Variants in MAGI2 observed in about 807,000 individuals in gnomAD.
MAGI2 encodes membrane-associated guanylate kinase, WW and PDZ domain-containing protein 2.
MAGI2 carries 35 observed loss-of-function variants against 133.3 expected under a neutral mutation model. The ratio of observed to expected loss-of-function variants is 0.26; its 90% CI spans 0.20 to 0.35. MAGI2 has a LOEUF of 0.35. MAGI2 is among the 10% of genes least tolerant of loss of function. The pLI, the probability that MAGI2 is intolerant of heterozygous loss-of-function variation, is 1.00. For missense variants in MAGI2, 1,636 were observed against 1,863.4 expected (o/e 0.88, Z 2.25); for synonymous variants, 729 against 710.6 (o/e 1.03, Z -0.41).
intron 10 of MAGI2, among the ~76,000 whole-genome samples, chr7:78,243,462 CTG>C (rs1791410223): frequency 6.6e-6 from 1 of 152,118 alleles, no homozygotes; most frequent in African/African-American, 2.4e-5. Context: ...AATGTTTTAT[CTG>C]TGCAGTTTAA....
intron 1 of MAGI2, among the ~76,000 whole-genome samples, chr7:79,391,014 T>G (rs1261210770): frequency 2.0e-5 from 3 of 152,130 alleles, no homozygotes; most frequent in Admixed American, 1.3e-4. Flanking sequence ...GAGGAAAGCG[T>G]GGAACTCAAT....
chr7:78,564,817 G>A (rs13240055), intron 3 of MAGI2, among the ~76,000 whole-genome samples: 15,234 of 83,680 alleles, frequency 0.18, 1,327 homozygotes, highest in African/African-American at 0.27. Flanking sequence ...TTTTTGAGAC[G>A]GAGTCTTGCT....
chr7:78,850,352 T>C (rs981565491), intron 2 of MAGI2, among the ~76,000 whole-genome samples: 10 of 152,060 alleles, frequency 6.6e-5, no homozygotes, highest in African/African-American at 1.2e-4. Context: ...AAGGAGAGTA[T>C]AACATCCTGA....
intron 9 of MAGI2, among the ~76,000 whole-genome samples, chr7:78,308,076 T>C (rs1411386873): frequency 6.6e-6 from 1 of 152,212 alleles, no homozygotes; most frequent in Non-Finnish European, 1.5e-5. Flanking sequence ...CTTTAAATAA[T>C]GGGCAATGAA....
intron 2 of MAGI2, among the ~76,000 whole-genome samples, chr7:78,738,410 G>GTTATTTATGTTAT (rs1822075657): frequency 6.6e-6 from 1 of 151,798 alleles, no homozygotes; most frequent in South Asian, 2.1e-4. Context: ...TCTAATTTAG[G>GTTATTTATGTTAT]GTAATTTATG....
intron 2 of MAGI2, among the ~76,000 whole-genome samples, chr7:78,665,066 T>C (rs1283862338): frequency 6.6e-6 from 1 of 152,138 alleles, no homozygotes; most frequent in African/African-American, 2.4e-5. Flanking sequence ...ATTTGGTTCC[T>C]GGTATACATA....
At chr7:78,533,740 A>G (rs1166405073) in intron 3 of MAGI2, among the ~76,000 whole-genome samples, 1 of 152,234 alleles carries the variant, frequency 6.6e-6, no homozygotes. Flanking sequence ...CAAAATGGTA[A>G]TATCTTCCAT....
At chr7:78,644,440 G>A (rs1314699018) in intron 2 of MAGI2, among the ~76,000 whole-genome samples, 1 of 151,908 alleles carries the variant, frequency 6.6e-6, no homozygotes, top group African/African-American at 2.4e-5. Context: ...CTTTATACAA[G>A]ACACATCATA....
intron 1 of MAGI2, among the ~76,000 whole-genome samples, chr7:79,106,087 T>A (rs1818427418): frequency 6.6e-6 from 1 of 152,178 alleles, no homozygotes; most frequent in African/African-American, 2.4e-5. Context: ...GAGTCTAATA[T>A]AGCATGAATC....
chr7:78,283,837 AC>A (rs1795871857), intron 9 of MAGI2, among the ~76,000 whole-genome samples: 1 of 152,038 alleles, frequency 6.6e-6, no homozygotes. Flanking sequence ...AACCCAAAAG[AC>A]CCCATTAAAA....
chr7:78,640,322 G>A (rs1199377939), intron 2 of MAGI2, among the ~76,000 whole-genome samples: 1 of 151,810 alleles, frequency 6.6e-6, no homozygotes, highest in Non-Finnish European at 1.5e-5. Flanking sequence ...AAAACAAAAA[G>A]CACTTGGCTC....
chr7:79,364,950 G>C (rs1332084803), intron 1 of MAGI2, among the ~76,000 whole-genome samples: 3 of 150,190 alleles, frequency 2.0e-5, no homozygotes, highest in African/African-American at 7.4e-5. Context: ...CATGTGAAAA[G>C]AATGAAAAGG....
chr7:78,734,756 G>T (rs1821687801), intron 2 of MAGI2, among the ~76,000 whole-genome samples: 1 of 152,124 alleles, frequency 6.6e-6, no homozygotes, highest in African/African-American at 2.4e-5. Context: ...AAAAACACGT[G>T]GGGGCAGATC....
intron 6 of MAGI2, among the ~76,000 whole-genome samples, chr7:78,420,000 A>C (rs1209431488): frequency 6.6e-6 from 1 of 152,164 alleles, no homozygotes; most frequent in East Asian, 1.9e-4. Flanking sequence ...ATGCCAGAGG[A>C]CATTGGGGTA....
chr7:78,157,524 TAC>T (rs3840595), intron 16 of MAGI2, among the ~76,000 whole-genome samples: 11 of 151,182 alleles, frequency 7.3e-5, no homozygotes, highest in South Asian at 2.1e-4. Context: ...TACACATACA[TAC>T]ACACACACAC....
At chr7:79,391,526 T>TATATATATATATATATATATAGAC (rs1844633945) in intron 1 of MAGI2, among the ~76,000 whole-genome samples, 1 of 107,546 alleles carries the variant, frequency 9.3e-6, no homozygotes, top group Non-Finnish European at 1.7e-5. Flanking sequence ...TATATATATA[T>TATATATATATATATATATATAGAC]ATATATATAT....
At chr7:78,130,185 C>A (rs1484957913) in intron 18 of MAGI2, among the ~76,000 whole-genome samples, 1 of 152,130 alleles carries the variant, frequency 6.6e-6, no homozygotes. Context: ...CTTATCTTCA[C>A]ATTAAACATA....
intron 1 of MAGI2, among the ~76,000 whole-genome samples, chr7:79,071,804 C>T (rs968530746): frequency 1.2e-4 from 18 of 151,984 alleles, no homozygotes; most frequent in Non-Finnish European, 1.9e-4. Context: ...TGGCAGACAC[C>T]CCTCCCCACC....
At chr7:78,159,896 C>G in intron 16 of MAGI2, 129 bp downstream of exon 16, 1 of 1,230,872 alleles carries the variant, frequency 8.1e-7, no homozygotes. Flanking sequence ...TTTGTGCCCA[C>G]AGCCTGTGGC....
Sources: gnomAD v4.1 joint callset for allele counts (sites outside exome capture counted in the v4.1 genomes callset) on GRCh38, gnomAD v4.1.1 for gene constraint, MANE v1.5 for transcripts, NCBI Gene and HGNC (gene_info 2026-07-23, HGNC 2026-07-21) for gene names.